CTSD: variants seen among roughly 807,000 people sequenced by gnomAD.
CTSD encodes cathepsin D, also known as ceroid-lipofuscinosis, neuronal 10.
A neutral mutation model predicts 43.6 loss-of-function variants in CTSD; 28 were observed. The observed-to-expected ratio is 0.64, with a 90% CI of 0.48 to 0.88. The LOEUF is 0.88. Among genes scored for constraint, CTSD ranks in the 40% least tolerant of loss-of-function variants. The pLI, the probability that CTSD is intolerant of heterozygous loss-of-function variation, is 0.00. For missense variants in CTSD, 485 were observed against 555.2 expected, an observed-to-expected ratio of 0.87 and a Z score of 1.27; for synonymous variants, 270 against 249.8, an observed-to-expected ratio of 1.08 and a Z score of -0.76.
At chr11:1,757,021 C>T (rs1845817912) in intron 5 of CTSD, among the ~76,000 whole-genome samples, 1 of 152,230 alleles carries the variant, frequency 6.6e-6, no homozygotes, top group South Asian at 2.1e-4. Flanking sequence ...ACTGCCACGA[C>T]CCCTGACCTG....
intron 3 of CTSD, 143 bp downstream of exon 3, chr11:1,759,373 G>A: frequency 7.8e-7 from 1 of 1,274,170 alleles, no homozygotes; most frequent in East Asian, 2.3e-5. Context: ...AAAGTCAGTG[G>A]CTGGAGCAGG....
chr11:1,758,590 A>G (rs1845837125), intron 4 of CTSD, among the ~76,000 whole-genome samples: 1 of 151,140 alleles, frequency 6.6e-6, no homozygotes, highest in Non-Finnish European at 1.5e-5. Context: ...CATCCTCCCA[A>G]CCCCAAGCCT....
chr11:1,757,672 C>G, intron 4 of CTSD, 116 bp from the exon 5 acceptor site: 1 of 854,340 alleles, frequency 1.2e-6, no homozygotes, highest in Non-Finnish European at 1.9e-6. Flanking sequence ...CGATGGGGCC[C>G]AGAGGGCCCA....
At position 1,753,112 on chromosome 11, in the gene CTSD, A is replaced by C; in HGVS notation, c.*391T>G. The C allele has an allele frequency of 3.2e-6, 1 of 310,072 alleles. No individual in the cohort carries two copies. The highest frequency in any genetic ancestry group is 2.2e-5 in the African/African-American group (1 of 45,952). The allele number at this position is 310,072 out of a possible 1,614,324, so 19.2% of individuals were successfully genotyped here. On this transcript the variant is annotated 3_prime_UTR_variant, in exon 9 of 9. Coordinates refer to ENST00000236671, the MANE Select transcript of CTSD (RefSeq NM_001909.5). ...GGTTTCCAAGGGAGGGCCCGGGAGG[A>C]CGGCCTGGTGTGGGGTAGGGGCTCA...
At position 1,763,839 on chromosome 11, in the gene CTSD, C is replaced by T; in HGVS notation, c.21G>A (p.Leu7=). The change falls in exon 1 of 9, where the codon CTG becomes CTA. Residue 7 remains leucine (L), a synonymous_variant. Transcript: ENST00000236671. MQPSSL[L]PLALCLLAAP... ...CAGCCAGCAGGCAGAGGGCGAGCGG[C>T]AGAAGGCTGGAGGGCTGCATGGCGG... 1.3e-6 allele frequency: 2 copies of T among 1,528,328 alleles called. No individual in the cohort carries two copies. The highest frequency in any genetic ancestry group is 8.7e-7 in the Non-Finnish European group (1 of 1,143,028). 94.7% of individuals were successfully genotyped at this position (1,528,328 alleles called of 1,614,324 possible).
chr11:1,755,137 G>T, intron 5 of CTSD, 109 bp from the exon 6 acceptor site: 3 of 1,351,716 alleles, frequency 2.2e-6, no homozygotes, highest in Non-Finnish European at 3.1e-6. Context: ...TCCTGAAGGA[G>T]GGGCCTTTCT....
rs1590903575 is a variant in CTSD, at chr11:1,753,599, T to C, written c.1143A>G (p.Pro381=). 1 of 1,612,936 alleles carries C rather than the reference T, an allele frequency of 6.2e-7. No individual in the cohort carries two copies. Among genetic ancestry groups the C allele is most frequent in the Admixed American group, 1.7e-5 (1 of 60,020 alleles). ...TGAAGACGTCGCCCAGGATCCAGAGTGGCCCGCTGGGTGGCGGGATGTCCA... is the reference window on the plus strand; with the variant it reads ...TGAAGACGTCGCCCAGGATCCAGAGCGGCCCGCTGGGTGGCGGGATGTCCA... ...MGMDIPPPSG[P]LWILGDVFIG... is the part of the protein sequence containing the mutation. Residue 381 remains proline (P), a synonymous_variant, in exon 9 of 9, where the codon CCA becomes CCG. Coordinates refer to ENST00000236671, the MANE Select transcript of CTSD (RefSeq NM_001909.5).
At chr11:1,754,529 A>ATG (rs1565019467) in intron 6 of CTSD, among the ~76,000 whole-genome samples, 1 of 25,140 alleles carries the variant, frequency 4.0e-5, no homozygotes, top group Non-Finnish European at 7.7e-5. Flanking sequence ...GATGGAGGGG[A>ATG]TGGAGGGATG....
Position 1,759,172 on chromosome 11 carries a change from T to C in CTSD, c.353-85A>G, listed in dbSNP as rs543580364. 1,036 of 1,105,830 alleles carry C rather than the reference T, an allele frequency of 9.4e-4. 12 individuals are homozygous for C. In the Admixed American group the frequency reaches 0.015, roughly 16 times the overall value. 68.5% of individuals were successfully genotyped at this position (1,105,830 alleles called of 1,614,324 possible). ...CCTCCCATCCCCCTACAATCTACCA[T>C]GGAGCCCGCACCCCCCAAGCTGCCT... On this transcript the variant is annotated intron_variant, in intron 3 of 8. Coordinates refer to ENST00000236671, the MANE Select transcript of CTSD (RefSeq NM_001909.5).
At chr11:1,763,719 A>AGTCAC in intron 1 of CTSD, 73 bp downstream of exon 1, 1 of 1,380,882 alleles carries the variant, frequency 7.2e-7, no homozygotes. Context: ...GGAGCGCGAA[A>AGTCAC]GTCACCACAG....
At chr11:1,754,876 C>G in intron 6 of CTSD, 30 bp downstream of exon 6, 2 of 1,613,390 alleles carry the variant, frequency 1.2e-6, no homozygotes, top group Non-Finnish European at 1.7e-6. Flanking sequence ...CCCACAGAAC[C>G]CAGGGGAGCC....
rs1845745302 is a variant in CTSD, at chr11:1,752,967, C to T, written c.*536G>A. 1 of 211,752 alleles carries T rather than the reference C, an allele frequency of 4.7e-6. No individual in the cohort carries two copies. Among genetic ancestry groups the T allele is most frequent in the South Asian group, 6.9e-5 (1 of 14,512 alleles). The allele number at this position is 211,752 out of a possible 1,614,324, so 13.1% of individuals were successfully genotyped here. ...AGGTGGGTTTTGTCCCCTCTCACTC[C>T]TTCCAGCTCATCCTCAGGCCTCTAG... On this transcript the variant is annotated 3_prime_UTR_variant, in exon 9 of 9. Coordinates refer to ENST00000236671, the MANE Select transcript of CTSD (RefSeq NM_001909.5).
chr11:1,761,881 C>A (rs1004053270), intron 1 of CTSD: 16 of 319,008 alleles, frequency 5.0e-5, no homozygotes, highest in South Asian at 4.3e-4. Context: ...GTACCTGTCA[C>A]TCCTGCCCAA....
At chr11:1,762,477 C>T (rs955249994) in intron 1 of CTSD, 2 of 152,236 alleles carry the variant, frequency 1.3e-5, no homozygotes, top group African/African-American at 4.8e-5. Context: ...GCCCCAGGGA[C>T]TTGAGAGTAC....
chr11:1,754,913 G>A lies in CTSD; in HGVS notation c.820C>T (p.Leu274=), dbSNP rs1221850597. The part of the protein sequence containing the change: ...VTRKAYWQVH[L]DQVEVASGLT... ...ACTGCAGCCACTACTCACTGGTCCA[G>A]GTGGACCTGCCAGTAGGCCTTGCGG... The change falls in exon 6 of 9, where the codon CTG becomes TTG. Residue 274 remains leucine, a synonymous_variant. Coordinates refer to ENST00000236671, the MANE Select transcript of CTSD (RefSeq NM_001909.5). 6.2e-7 allele frequency: 1 copy of A among 1,613,880 alleles called. No individual in the cohort carries two copies. Among genetic ancestry groups the A allele is most frequent in the Non-Finnish European group, 8.5e-7 (1 of 1,179,892 alleles).
At chr11:1,754,178 A>G (rs1845766464) in intron 6 of CTSD, 40 bp from the exon 7 acceptor site, 1 of 1,594,804 alleles carries the variant, frequency 6.3e-7, no homozygotes, top group South Asian at 1.1e-5. Flanking sequence ...CCGGGACTGG[A>G]GTGTGCCCTG....
At position 1,754,012 on chromosome 11, in the gene CTSD, C is replaced by CA; in HGVS notation, c.953dup (p.Pro319AlafsTer12). 6.2e-7 allele frequency: 1 copy of CA among 1,607,052 alleles called. No homozygotes were observed. On this transcript the variant is annotated frameshift_variant, in exon 7 of 9. Coordinates refer to ENST00000236671, the MANE Select transcript of CTSD (RefSeq NM_001909.5). LOFTEE classifies it high-confidence loss of function. ...CGCTCACCTCGCCCTGAATCAGCGGCACGGCCCCGATGGCCTTCTGCAGCT... is the reference window on the plus strand; with the variant it reads ...CGCTCACCTCGCCCTGAATCAGCGGCAACGGCCCCGATGGCCTTCTGCAGCT...
chr11:1,754,103 T>A lies in CTSD; in HGVS notation c.863A>T (p.Glu288Val). ...TGTGTCCACAATGGCCTCACAGCCC[T>A]CCTTGCACAGGGTCAGCCCGCTGGC... ...EVASGLTLCK[E>V]GCEAIVDTGT... Residue 288 changes from glutamate to valine, a missense_variant, in exon 7 of 9, where the codon GAG (glutamate) becomes GTG (valine). Physicochemically the swap from Glu to Val is moderately radical, Grantham distance 121 (BLOSUM62 -2). Coordinates refer to ENST00000236671, the MANE Select transcript of CTSD (RefSeq NM_001909.5). 1 of 1,611,060 alleles carries A rather than the reference T, an allele frequency of 6.2e-7. No individual in the cohort carries two copies. The highest frequency in any genetic ancestry group is 8.5e-7 in the Non-Finnish European group (1 of 1,179,784).
At chr11:1,761,787 C>T in intron 1 of CTSD, 2 of 453,932 alleles carry the variant, frequency 4.4e-6, no homozygotes, top group South Asian at 4.1e-5. Flanking sequence ...CTCCAAAGCC[C>T]CCAAGGGTCT....
Sources: gnomAD v4.1 joint callset for allele counts (sites outside exome capture counted in the v4.1 genomes callset) on GRCh38, gnomAD v4.1.1 for gene constraint, MANE v1.5 for transcripts, NCBI Gene and HGNC (gene_info 2026-07-23, HGNC 2026-07-21) for gene names.